Variants in PBX3 observed in about 807,000 individuals in gnomAD.
PBX3 encodes PBX homeobox 3.
A neutral mutation model predicts 48.5 loss-of-function variants in PBX3; 14 were observed. The ratio of observed to expected loss-of-function variants is 0.29; its 90% CI spans 0.19 to 0.45. PBX3 has a LOEUF of 0.45. Among genes scored for constraint, PBX3 ranks in the 20% least tolerant of loss-of-function variants. The pLI is 1.00. For synonymous variants in PBX3, 210 were observed against 200.3 expected (o/e 1.05, Z -0.41); for missense variants, 386 against 546.7 (o/e 0.71, Z 2.93).
intron 5 of PBX3, among the ~76,000 whole-genome samples, chr9:125,942,911 G>A (rs1436024694): frequency 2.0e-5 from 3 of 152,276 alleles, no homozygotes; most frequent in Admixed American, 2.0e-4. Context: ...GGAAGCTTCT[G>A]ATTTTTTTGT....
At chr9:125,808,328 C>T (rs755149769) in intron 2 of PBX3, among the ~76,000 whole-genome samples, 12 of 152,046 alleles carry the variant, frequency 7.9e-5, no homozygotes, top group South Asian at 2.1e-4. Context: ...TTTTTCTTTC[C>T]GGTACTTTAA....
intron 2 of PBX3, among the ~76,000 whole-genome samples, chr9:125,830,205 A>G (rs1227200380): frequency 6.6e-6 from 1 of 152,264 alleles, no homozygotes; most frequent in Non-Finnish European, 1.5e-5. Flanking sequence ...AGAAATAAGA[A>G]TATTTTTATT....
At chr9:125,917,580 A>C (rs904125306) in intron 3 of PBX3, among the ~76,000 whole-genome samples, 3 of 151,168 alleles carry the variant, frequency 2.0e-5, no homozygotes, top group African/African-American at 4.9e-5. Context: ...GCAACCCCTG[A>C]TCAGTTTTAA....
chr9:125,771,450 G>T (rs1836938718), intron 2 of PBX3, among the ~76,000 whole-genome samples: 1 of 152,124 alleles, frequency 6.6e-6, no homozygotes, highest in South Asian at 2.1e-4. Context: ...GACAAAGTTG[G>T]TAAATTTCAT....
intron 2 of PBX3, among the ~76,000 whole-genome samples, chr9:125,800,148 A>C (rs1164650658): frequency 6.6e-6 from 1 of 152,230 alleles, no homozygotes; most frequent in East Asian, 1.9e-4. Flanking sequence ...CTATGGACTC[A>C]GTGGTGCTTA....
intron 5 of PBX3, among the ~76,000 whole-genome samples, chr9:125,959,077 G>A (rs1842370131): frequency 2.6e-5 from 4 of 152,208 alleles, no homozygotes; most frequent in Admixed American, 2.6e-4. Context: ...CTGGTGTCAT[G>A]CCAGTATAAC....
chr9:125,864,726 G>A (rs1186926694), intron 2 of PBX3, among the ~76,000 whole-genome samples: 1 of 152,180 alleles, frequency 6.6e-6, no homozygotes, highest in Non-Finnish European at 1.5e-5. Flanking sequence ...GTGGTAATGC[G>A]ATGGGGAGTG....
intron 2 of PBX3, among the ~76,000 whole-genome samples, chr9:125,905,594 G>C: frequency 6.6e-6 from 1 of 151,680 alleles, no homozygotes; most frequent in East Asian, 1.9e-4. Context: ...TTCCTAAAGG[G>C]TTAATGAAAG....
intron 2 of PBX3, among the ~76,000 whole-genome samples, chr9:125,818,837 G>GATT (rs942167170): frequency 6.0e-5 from 9 of 150,810 alleles, no homozygotes; most frequent in African/African-American, 1.7e-4. Flanking sequence ...TGATGATGAT[G>GATT]ATTATTATTA....
intron 2 of PBX3, among the ~76,000 whole-genome samples, chr9:125,837,029 G>A (rs1031019552): frequency 6.6e-6 from 1 of 152,142 alleles, no homozygotes; most frequent in Non-Finnish European, 1.5e-5. Context: ...GCAATTCTTG[G>A]CATTTAGCCT....
In PBX3 at chr9:125,966,933, A is replaced by T. The variant is rs770631064; in HGVS notation, c.*1010A>T. The T allele has an allele frequency of 1.8e-4, 28 of 152,532 alleles. No individual in the cohort carries two copies. The highest frequency in any genetic ancestry group is 3.3e-4 in the Admixed American group (5 of 15,256). The allele number at this position is 152,532 out of a possible 1,614,324, so 9.4% of individuals were successfully genotyped here. A position where few individuals can be genotyped will look rare whatever the true frequency, so the allele number is the denominator to read the frequency against. ...TTTCCCTTCATAAAATGTAATGTAC[A>T]TTGTAATCTTTTAAAAGAAAAATCA... On this transcript the variant is annotated 3_prime_UTR_variant, in exon 9 of 9. Coordinates refer to ENST00000373489, the MANE Select transcript of PBX3 (RefSeq NM_006195.6).
chr9:125,799,968 A>G (rs1475413367), intron 2 of PBX3, among the ~76,000 whole-genome samples: 1 of 152,204 alleles, frequency 6.6e-6, no homozygotes, highest in Non-Finnish European at 1.5e-5. Flanking sequence ...CTCACAAATC[A>G]AGGGACTGCA....
chr9:125,796,345 TAC>T (rs1008114680), intron 2 of PBX3, among the ~76,000 whole-genome samples: 7 of 152,324 alleles, frequency 4.6e-5, no homozygotes, highest in African/African-American at 1.7e-4. Context: ...CAAAACTATT[TAC>T]ACTAAGTGGG....
At chr9:125,785,504 C>G (rs10986909) in intron 2 of PBX3, among the ~76,000 whole-genome samples, 3,063 of 152,254 alleles carry the variant, frequency 0.02, 172 homozygotes, top group East Asian at 0.17. Context: ...TCAGTGGTTT[C>G]CCAGGGGCTT....
At chr9:125,915,101 A>G (rs1013623668) in intron 2 of PBX3, among the ~76,000 whole-genome samples, 2 of 152,130 alleles carry the variant, frequency 1.3e-5, no homozygotes, top group African/African-American at 2.4e-5. Flanking sequence ...TAATATATAT[A>G]TATTTAAGTA....
At chr9:125,893,093 C>A (rs1446491884) in intron 2 of PBX3, among the ~76,000 whole-genome samples, 2 of 152,292 alleles carry the variant, frequency 1.3e-5, no homozygotes, top group East Asian at 3.9e-4. Context: ...AACAATGGTG[C>A]AACCTACCCA....
chr9:125,859,432 GAGGA>G (rs1206343761), intron 2 of PBX3, among the ~76,000 whole-genome samples: 1 of 152,328 alleles, frequency 6.6e-6, no homozygotes, highest in African/African-American at 2.4e-5. Context: ...CTGCAAACTT[GAGGA>G]AGGGACTTCA....
At chr9:125,891,461 G>A (rs1197476725) in intron 2 of PBX3, among the ~76,000 whole-genome samples, 1 of 152,198 alleles carries the variant, frequency 6.6e-6, no homozygotes, top group Non-Finnish European at 1.5e-5. Context: ...AAATGAAAAA[G>A]CAGAGAGGAA....
intron 2 of PBX3, among the ~76,000 whole-genome samples, chr9:125,825,070 G>A (rs1838768358): frequency 6.6e-6 from 1 of 152,184 alleles, no homozygotes; most frequent in Admixed American, 6.5e-5. Context: ...GATCACTTGA[G>A]CTCAGGAGTT....
Sources: gnomAD v4.1 joint callset for allele counts (sites outside exome capture counted in the v4.1 genomes callset) on GRCh38, gnomAD v4.1.1 for gene constraint, MANE v1.5 for transcripts, NCBI Gene and HGNC (gene_info 2026-07-23, HGNC 2026-07-21) for gene names.